Variants in PUM1 observed in about 807,000 individuals in gnomAD.
PUM1 encodes pumilio RNA binding family member 1, also known as pumilio homolog 1.
A neutral mutation model predicts 131.8 loss-of-function variants in PUM1; 13 were observed. That is an observed-to-expected ratio of 0.10 (90% CI 0.06 to 0.16). The LOEUF (loss-of-function observed/expected upper bound fraction) is 0.16, where lower values mean the gene tolerates loss of function less well. PUM1 is among the 10% of genes least tolerant of loss of function. The probability of loss-of-function intolerance (pLI) is 1.00; values close to 1 mark genes in which losing one functional copy is unlikely to be tolerated. For synonymous variants in PUM1, 509 were observed against 556.5 expected (o/e 0.91, Z 1.20); for missense variants, 961 against 1,512.4 (o/e 0.64, Z 6.05).
chr1:31,042,199 A>C (rs1032202967), intron 2 of PUM1, among the ~76,000 whole-genome samples: 1 of 151,984 alleles, frequency 6.6e-6, no homozygotes, highest in East Asian at 1.9e-4. Context: ...CCAGCTACTC[A>C]GGAGGCTGAG....
chr1:30,957,087 T>TACAC (rs58044891), intron 14 of PUM1, among the ~76,000 whole-genome samples: 1,666 of 139,938 alleles, frequency 0.012, 23 homozygotes, highest in African/African-American at 0.031. Context: ...AGGACATTCA[T>TACAC]ACACACACAC....
At chr1:30,946,588 G>T (rs551510378) in intron 17 of PUM1, among the ~76,000 whole-genome samples, 1 of 142,894 alleles carries the variant, frequency 7.0e-6, no homozygotes, top group African/African-American at 2.6e-5. Context: ...AGTGAGGCAA[G>T]ATTGTGCCAC....
chr1:30,946,836 G>C (rs547109645), intron 17 of PUM1, among the ~76,000 whole-genome samples: 174 of 152,160 alleles, frequency 1.1e-3, no homozygotes, highest in African/African-American at 4.0e-3. Flanking sequence ...CTGAGCCCAG[G>C]AGTTTGAGGC....
intron 2 of PUM1, among the ~76,000 whole-genome samples, chr1:31,038,681 A>T (rs1173815371): frequency 3.3e-5 from 5 of 152,062 alleles, no homozygotes; most frequent in Admixed American, 6.6e-5. Flanking sequence ...AAACACGCAT[A>T]CAAATACACA....
At chr1:31,038,984 A>ATTTTTTTTTTTTTTTTT (rs35507851) in intron 2 of PUM1, among the ~76,000 whole-genome samples, 4 of 49,416 alleles carry the variant, frequency 8.1e-5, no homozygotes, top group East Asian at 6.7e-4. Context: ...ATATATATAT[A>ATTTTTTTTTTTTTTTTT]TTTTTTTTTT....
chr1:31,017,534 T>G (rs1642862099), intron 3 of PUM1, among the ~76,000 whole-genome samples: 1 of 152,070 alleles, frequency 6.6e-6, no homozygotes, highest in South Asian at 2.1e-4. Context: ...CTTTTTTTTT[T>G]TTAGTTCATC....
Position 30,988,723 on chromosome 1 carries a change from G to A in PUM1, c.1158+3667C>T, listed in dbSNP as rs148487246. Among the ~76,000 whole-genome samples the A allele has an allele frequency of 4.9e-3, 747 of 152,190 alleles. 5 individuals are homozygous for A. Among genetic ancestry groups the A allele is most frequent in the African/African-American group, 0.016 (660 of 41,522 alleles). On this transcript the variant is annotated intron_variant, in intron 7 of 21. Transcript: ENST00000426105. The stretch of plus-strand genomic sequence containing the variant: ...TACCTCCTTGTCCTCTTGTACACTC[G>A]TCTTCTACTCTCTTCAGCCTAGGAC...
chr1:30,978,750 C>T (rs1196861959), intron 9 of PUM1, among the ~76,000 whole-genome samples: 1 of 152,148 alleles, frequency 6.6e-6, no homozygotes, highest in African/African-American at 2.4e-5. Context: ...GTGCAACACA[C>T]AGTCAAATAA....
chr1:31,045,997 G>A lies in PUM1; in HGVS notation c.363+13207C>T, dbSNP rs569293334. 7.9e-5 allele frequency among the ~76,000 whole-genome samples: 12 copies of A among 152,170 alleles called. 1 individual carries two copies. The South Asian group carries it at 8.3e-4, about 11-fold the overall frequency. On this transcript the variant is annotated intron_variant, in intron 2 of 21. Coordinates refer to ENST00000426105, the MANE Select transcript of PUM1 (RefSeq NM_001020658.2). The stretch of plus-strand genomic sequence containing the variant: ...CTCGGGAGCCTGAGGCAGGAGAATC[G>A]CTTGAACCCAGGAGGTGGAGATTGC...
At chr1:30,943,369 TCTC>T (rs1639540292) in intron 18 of PUM1, among the ~76,000 whole-genome samples, 1 of 151,922 alleles carries the variant, frequency 6.6e-6, no homozygotes, top group Non-Finnish European at 1.5e-5. Context: ...CTCAAGCAAT[TCTC>T]CTGCTTCAGC....
intron 21 of PUM1, 86 bp from the exon 22 acceptor site, chr1:30,933,428 T>TCACACACA (rs1223375046): frequency 6.3e-5 from 60 of 950,386 alleles, no homozygotes; most frequent in African/African-American, 5.0e-4. Context: ...ATGTCATGCA[T>TCACACACA]CACACACACA....
Position 30,933,338 on chromosome 1 carries a change from C to T in PUM1, c.3440G>A (p.Arg1147Gln), listed in dbSNP as rs908428051. The T allele has an allele frequency of 6.2e-7, 1 of 1,612,684 alleles. No homozygotes were observed. The change falls in exon 22 of 22, where the codon CGG (arginine) becomes CAG (glutamine). Residue 1147 changes from arginine (R) to glutamine (Q), a missense_variant. Transcript: ENST00000426105. ...GQRKIVMHKI[R>Q]PHIATLRKYT... ...CTTACGAAGAGTTGCGATGTGGGGCCGGATCTGGGGAGGAAAGACAGTCTG... is the reference window on the plus strand; with the variant it reads ...CTTACGAAGAGTTGCGATGTGGGGCTGGATCTGGGGAGGAAAGACAGTCTG...
intron 2 of PUM1, among the ~76,000 whole-genome samples, chr1:31,038,986 T>TATATATATA (rs1557599381): frequency 4.4e-4 from 12 of 27,466 alleles, no homozygotes; most frequent in African/African-American, 3.2e-3. Flanking sequence ...ATATATATAT[T>TATATATATA]TTTTTTTTTT....
intron 7 of PUM1, among the ~76,000 whole-genome samples, chr1:30,990,157 T>C (rs576376134): frequency 1.3e-5 from 2 of 152,340 alleles, no homozygotes; most frequent in African/African-American, 4.8e-5. Context: ...GGAAGCATAT[T>C]ACGTACAGAG....
chr1:30,960,544 C>T (rs900837854), intron 14 of PUM1, among the ~76,000 whole-genome samples: 12 of 152,080 alleles, frequency 7.9e-5, no homozygotes, highest in African/African-American at 2.2e-4. Flanking sequence ...ACAACTACAG[C>T]GAGGCCACAG....
chr1:31,037,758 G>A (rs1643660679), intron 2 of PUM1, among the ~76,000 whole-genome samples: 1 of 150,090 alleles, frequency 6.7e-6, no homozygotes, highest in South Asian at 2.1e-4. Flanking sequence ...ATAAAAATTG[G>A]CATCATTTAG....
At position 30,932,943 on chromosome 1, in the gene PUM1, G is replaced by T; in HGVS notation, c.*268C>A. ...AATATGTGGCCTCCCATGTACATTG[G>T]TTACCTATGTACAAGTATCCTATAC... On this transcript the variant is annotated 3_prime_UTR_variant, in exon 22 of 22. Transcript: ENST00000426105. 3.6e-6 allele frequency: 1 copy of T among 278,584 alleles called. No individual in the cohort carries two copies. The highest frequency in any genetic ancestry group is 6.6e-6 in the Non-Finnish European group (1 of 152,072). The allele number at this position is 278,584 out of a possible 1,614,324, so 17.3% of individuals were successfully genotyped here. A position where few individuals can be genotyped will look rare whatever the true frequency, so the allele number is the denominator to read the frequency against.
chr1:31,013,272 A>AC (rs542780640), intron 3 of PUM1, among the ~76,000 whole-genome samples: 9 of 152,172 alleles, frequency 5.9e-5, no homozygotes, highest in Non-Finnish European at 1.2e-4. Flanking sequence ...GTTTGACCAT[A>AC]CCGCCACTAA....
chr1:30,979,817 G>C (rs1485505309), intron 9 of PUM1, among the ~76,000 whole-genome samples: 1 of 152,140 alleles, frequency 6.6e-6, no homozygotes, highest in Non-Finnish European at 1.5e-5. Context: ...TGAGTATCTG[G>C]TGGCTCCATG....
Sources: allele counts gnomAD v4.1 joint callset (sites outside exome capture counted in the v4.1 genomes callset), GRCh38; gene constraint gnomAD v4.1.1; transcripts MANE v1.5; gene names NCBI Gene and HGNC (gene_info 2026-07-23, HGNC 2026-07-21).